The following PLCE1 variants were observed in gnomAD, a reference collection of about 807,000 sequenced individuals.
PLCE1 encodes phospholipase C epsilon 1.
In PLCE1, 119 loss-of-function variants were observed where a neutral mutation model predicts 242.8. The ratio of observed to expected loss-of-function variants is 0.49; its 90% CI spans 0.42 to 0.57. The LOEUF is 0.57. Among genes scored for constraint, PLCE1 ranks in the 20% least tolerant of loss-of-function variants. The pLI is 0.00. For missense variants in PLCE1, 2,441 were observed against 2,788.8 expected, an observed-to-expected ratio of 0.88 and a Z score of 2.81; for synonymous variants, 945 against 1,017.4, an observed-to-expected ratio of 0.93 and a Z score of 1.35.
intron 3 of PLCE1, among the ~76,000 whole-genome samples, chr10:94,166,268 A>G (rs1014699857): frequency 2.6e-5 from 4 of 152,258 alleles, no homozygotes; most frequent in Admixed American, 2.6e-4. Context: ...ATATTTTTGC[A>G]AGAGTTTCTG....
intron 4 of PLCE1, among the ~76,000 whole-genome samples, chr10:94,183,662 T>C (rs1020765856): frequency 6.6e-6 from 1 of 152,172 alleles, no homozygotes; most frequent in Admixed American, 6.6e-5. Context: ...GGCTGGGTAA[T>C]GTATGAAGAA....
intron 5 of PLCE1, among the ~76,000 whole-genome samples, chr10:94,228,907 C>G (rs979016922): frequency 6.6e-6 from 1 of 152,096 alleles, no homozygotes; most frequent in African/African-American, 2.4e-5. Flanking sequence ...GTAGGCCGGG[C>G]ACGGTGGCTC....
chr10:94,324,030 G>T (rs1266413547), intron 30 of PLCE1, among the ~76,000 whole-genome samples: 1 of 152,136 alleles, frequency 6.6e-6, no homozygotes, highest in Non-Finnish European at 1.5e-5. Context: ...AGAAAATCTG[G>T]TTCAGACCTT....
chr10:94,045,381 C>A (rs1187652166), intron 2 of PLCE1, among the ~76,000 whole-genome samples: 1 of 152,160 alleles, frequency 6.6e-6, no homozygotes, highest in Non-Finnish European at 1.5e-5. Flanking sequence ...AGTGATCTTT[C>A]CGCCTTGACC....
At chr10:94,045,019 G>A (rs938277288) in intron 2 of PLCE1, among the ~76,000 whole-genome samples, 7 of 151,796 alleles carry the variant, frequency 4.6e-5, no homozygotes, top group African/African-American at 1.7e-4. Context: ...TTTTTCTTTA[G>A]AGACAGGGTC....
At chr10:94,203,186 TC>T (rs1390191059) in intron 4 of PLCE1, among the ~76,000 whole-genome samples, 1 of 152,202 alleles carries the variant, frequency 6.6e-6, no homozygotes, top group African/African-American at 2.4e-5. Context: ...CAGGGAAGTC[TC>T]TGTGCCTCCA....
intron 1 of PLCE1, among the ~76,000 whole-genome samples, chr10:94,008,470 G>A (rs1229029479): frequency 2.0e-5 from 3 of 152,020 alleles, no homozygotes; most frequent in South Asian, 2.1e-4. Context: ...TACCACACCC[G>A]GCTAATTTTT....
intron 2 of PLCE1, chr10:94,099,918 C>T (rs969043245): frequency 6.6e-6 from 1 of 151,994 alleles, no homozygotes; most frequent in African/African-American, 2.4e-5. Flanking sequence ...CCTATTTGTC[C>T]AGTTAATGCC....
chr10:94,186,798 A>G (rs2048492514), intron 4 of PLCE1, among the ~76,000 whole-genome samples: 1 of 152,212 alleles, frequency 6.6e-6, no homozygotes, highest in Non-Finnish European at 1.5e-5. Context: ...ATCAAAAGGG[A>G]AAAAAACTTA....
intron 2 of PLCE1, among the ~76,000 whole-genome samples, chr10:94,041,965 G>A (rs928167966): frequency 7.2e-5 from 11 of 151,784 alleles, no homozygotes; most frequent in African/African-American, 2.7e-4. Context: ...GAGAATTTTA[G>A]GTATTTTTCA....
At chr10:94,253,805 T>A (rs2050967762) in intron 9 of PLCE1, among the ~76,000 whole-genome samples, 1 of 152,166 alleles carries the variant, frequency 6.6e-6, no homozygotes, top group Non-Finnish European at 1.5e-5. Context: ...GGAATTACAT[T>A]TCAACATGAG....
At chr10:94,000,786 C>G (rs563069420) in intron 1 of PLCE1, among the ~76,000 whole-genome samples, 23 of 152,190 alleles carry the variant, frequency 1.5e-4, no homozygotes, top group Non-Finnish European at 2.6e-4. Context: ...TGAGCTGCCT[C>G]TCATGGGTGC....
At chr10:94,177,703 G>A (rs998977443) in intron 4 of PLCE1, among the ~76,000 whole-genome samples, 1 of 152,052 alleles carries the variant, frequency 6.6e-6, no homozygotes, top group Non-Finnish European at 1.5e-5. Flanking sequence ...TATACCTCTA[G>A]CCCACATTCC....
intron 2 of PLCE1, among the ~76,000 whole-genome samples, chr10:94,038,801 C>T (rs1444964164): frequency 1.3e-5 from 2 of 152,142 alleles, no homozygotes; most frequent in Non-Finnish European, 2.9e-5. Flanking sequence ...CAGATATGTG[C>T]AGGCATCACT....
At position 94,171,297 on chromosome 10, in the gene PLCE1, G is replaced by T. The variant is rs1014453435; in HGVS notation, c.1610G>T (p.Ser537Ile). The change falls in exon 4 of 33, where the codon AGC becomes ATC. Residue 537 changes from serine to isoleucine, a missense_variant. Ser to Ile is a moderately radical substitution (Grantham distance 142). This residue lies in a region of PLCE1 where 733 missense variants were observed against 754.2 expected (regional missense o/e 0.97). Coordinates refer to ENST00000371380, the MANE Select transcript of PLCE1 (RefSeq NM_016341.4). ...PLIQFPEEVA[S>I]ILMEQEQTIY... ...ATCCAGTTCCCAGAGGAAGTCGCCA[G>T]CATCCTGATGGAGCAAGAGCAGACT... 1 of 1,614,170 alleles carries T rather than the reference G, an allele frequency of 6.2e-7. No homozygotes were observed. The highest frequency in any genetic ancestry group is 1.3e-5 in the African/African-American group (1 of 75,060).
At chr10:94,205,586 G>T (rs896830190) in intron 4 of PLCE1, among the ~76,000 whole-genome samples, 2 of 152,224 alleles carry the variant, frequency 1.3e-5, no homozygotes, top group East Asian at 3.8e-4. Flanking sequence ...GAAGCCAGAA[G>T]TTGCCAACTG....
At chr10:94,284,747 C>T in intron 21 of PLCE1, 101 bp from the exon 22 acceptor site, 1 of 758,698 alleles carries the variant, frequency 1.3e-6, no homozygotes. Flanking sequence ...AGGGGAAATA[C>T]AGTAATAACA....
intron 7 of PLCE1, among the ~76,000 whole-genome samples, chr10:94,243,085 A>G (rs1476906091): frequency 6.6e-6 from 1 of 152,170 alleles, no homozygotes; most frequent in African/African-American, 2.4e-5. Flanking sequence ...GTTAAAAATA[A>G]TAATAGTAGT....
chr10:94,258,018 G>A (rs2051162512), intron 11 of PLCE1, among the ~76,000 whole-genome samples: 2 of 151,418 alleles, frequency 1.3e-5, no homozygotes, highest in South Asian at 2.1e-4. Context: ...AATAAAAAAT[G>A]TTGTGAAACA....
Sources: gnomAD v4.1 joint callset for allele counts (sites outside exome capture counted in the v4.1 genomes callset) on GRCh38, gnomAD v4.1.1 for gene constraint, gnomAD v4.1.1 regional missense constraint, MANE v1.5 for transcripts, NCBI Gene and HGNC (gene_info 2026-07-23, HGNC 2026-07-21) for gene names.